ASIC3: variants seen among roughly 807,000 people sequenced by gnomAD.
ASIC3 encodes acid sensing ion channel subunit 3.
A neutral mutation model predicts 58.6 loss-of-function variants in ASIC3; 46 were observed. The ratio of observed to expected loss-of-function variants is 0.79; its 90% CI spans 0.62 to 1.00. The LOEUF is 1.00. Among genes scored for constraint, ASIC3 ranks in the 50% least tolerant of loss-of-function variants. The pLI is 0.00. For missense variants in ASIC3, 770 were observed against 735.0 expected, an observed-to-expected ratio of 1.05 and a Z score of -0.55; for synonymous variants, 336 against 300.2, an observed-to-expected ratio of 1.12 and a Z score of -1.23.
At chr7:151,050,295 TG>T in intron 2 of ASIC3, 39 bp downstream of exon 2, 5 of 1,596,174 alleles carry the variant, frequency 3.1e-6, no homozygotes, top group Non-Finnish European at 4.3e-6. Flanking sequence ...AGGGCACGGA[TG>T]GAGTGCAAAA....
At position 151,050,226 on chromosome 7, in the gene ASIC3, G is replaced by T. The variant is rs750380438; in HGVS notation, c.655G>T (p.Glu219Ter). 35 of 1,614,062 alleles carry T rather than the reference G, an allele frequency of 2.2e-5. No homozygotes were observed. In the South Asian group the frequency reaches 3.5e-4, roughly 16 times the overall value. Residue 219 changes from glutamate (E) to a stop codon, truncating the protein, a stop_gained, in exon 2 of 11, where the codon GAG becomes TAG. Transcript: ENST00000349064. LOFTEE classifies it high-confidence loss of function. The part of the protein sequence containing the change: ...GLDIMLDVQQ[E>*]EYLPVWRDNE... ...GGACATCATGCTGGACGTGCAGCAG[G>T]AGGAATATCTACCTGTGTGGAGGGA...
In ASIC3 at chr7:151,050,148, G is replaced by A. The variant is rs138872415; in HGVS notation, c.577G>A (p.Ala193Thr). 4.8e-4 allele frequency: 770 copies of A among 1,614,044 alleles called. No homozygotes were observed. The highest frequency in any genetic ancestry group is 6.0e-4 in the Non-Finnish European group (707 of 1,180,030). ...AAAGTGCTACACATTTAACTCTGGCGCTGATGGGGCAGAGCTGCTCACCAC... is the reference window on the plus strand; with the variant it reads ...AAAGTGCTACACATTTAACTCTGGCACTGATGGGGCAGAGCTGCTCACCAC... ...MGKCYTFNSG[A>T]DGAELLTTTR... Residue 193 changes from alanine to threonine, a missense_variant, in exon 2 of 11, where the codon GCT becomes ACT. Physicochemically the swap from Ala to Thr is moderately conservative, Grantham distance 58. Transcript: ENST00000349064.
chr7:151,051,342 G>C, intron 6 of ASIC3, 23 bp downstream of exon 6: 1 of 1,455,704 alleles, frequency 6.9e-7, no homozygotes, highest in Admixed American at 2.8e-5. Flanking sequence ...GGGCGGGCGG[G>C]CTCCTCCGAG....
rs1796681945 is a variant in ASIC3 at position 151,048,581 on chromosome 7, C to T, written c.-305C>T. ...CGCCGGCTCAGCACCGCTCCGCAGC[C>T]CCTGCCTGCCACGGTCAGCTACGTC... On this transcript the variant is annotated 5_prime_UTR_variant, in exon 1 of 11. Transcript: ENST00000349064. 2.5e-6 allele frequency: 1 copy of T among 407,558 alleles called. No homozygotes were observed. Among genetic ancestry groups the T allele is most frequent in the South Asian group, 7.4e-5 (1 of 13,446 alleles). The allele number at this position is 407,558 out of a possible 1,614,324, so 25.2% of individuals were successfully genotyped here.
chr7:151,051,397 C>T lies in ASIC3; in HGVS notation c.1214+78C>T. 3 of 1,396,856 alleles carry T rather than the reference C, an allele frequency of 2.1e-6. 1 individual carries two copies. The South Asian group carries it at 4.7e-5, about 22-fold the overall frequency. The allele number at this position is 1,396,856 out of a possible 1,614,324, so 86.5% of individuals were successfully genotyped here. On this transcript the variant is annotated intron_variant, in intron 6 of 10. Coordinates refer to ENST00000349064, the MANE Select transcript of ASIC3 (RefSeq NM_004769.4). ...CGGAACGGGGCAGGCCAGGCCGTAG[C>T]CCTAGTGCGCACAGCCCGGGCGGAG...
rs11977275 is a variant in ASIC3 at position 151,050,850 on chromosome 7, C to A, written c.906C>A (p.Pro302=). 321,958 of 1,606,646 alleles carry A rather than the reference C, an allele frequency of 0.2. 33,842 individuals are homozygous for A. The highest frequency in any genetic ancestry group is 0.24 in the South Asian group (21,956 of 90,892). ...EPEPSDPLGS[P]SPSPSPPYTL... is the part of the protein sequence containing the mutation. Reference sequence around the variant, plus strand: ...AGCCCTCTGATCCCCTAGGCTCCCCCAGCCCCAGCCCCAGCCCTCCCTATA... The same window carrying A: ...AGCCCTCTGATCCCCTAGGCTCCCCAAGCCCCAGCCCCAGCCCTCCCTATA... The change falls in exon 4 of 11, where the codon CCC becomes CCA. Residue 302 remains proline, a synonymous_variant. Transcript: ENST00000349064.
chr7:151,049,150 G>A lies in ASIC3; in HGVS notation c.265G>A (p.Val89Ile). ...RESHRLIFPAVTLCNINPLRR... is the reference protein window; with the variant it reads ...RESHRLIFPAITLCNINPLRR... ...AAGCCACCGGCTCATCTTCCCGGCT[G>A]TCACCCTGTGCAACATCAACCCACT... Residue 89 changes from valine to isoleucine, a missense_variant, in exon 1 of 11, where the codon GTC becomes ATC. Coordinates refer to ENST00000349064, the MANE Select transcript of ASIC3 (RefSeq NM_004769.4). 1 of 1,613,840 alleles carries A rather than the reference G, an allele frequency of 6.2e-7. No individual in the cohort carries two copies. Among genetic ancestry groups the A allele is most frequent in the Non-Finnish European group, 8.5e-7 (1 of 1,179,888 alleles).
intron 1 of ASIC3, 137 bp from the exon 2 acceptor site, chr7:151,049,969 A>AGC: frequency 8.9e-7 from 1 of 1,129,064 alleles, no homozygotes; most frequent in Non-Finnish European, 1.3e-6. Flanking sequence ...TGCCCACTGG[A>AGC]GCGTGGGGCT....
Position 151,049,304 on chromosome 7 carries a change from C to A in ASIC3, c.419C>A (p.Pro140His). 1 of 1,613,084 alleles carries A rather than the reference C, an allele frequency of 6.2e-7. No individual in the cohort carries two copies. Among genetic ancestry groups the A allele is most frequent in the East Asian group, 2.2e-5 (1 of 44,882 alleles). ...GRPPAPPGFM[P>H]SPTFDMAQLY... The stretch of plus-strand genomic sequence containing the variant: ...CCCCCTGCACCGCCCGGCTTCATGC[C>A]CAGTCCCACCTTTGACATGGCGCAA... Residue 140 changes from proline to histidine, a missense_variant, in exon 1 of 11, where the codon CCC (proline) becomes CAC (histidine). Pro to His is a moderately conservative substitution (Grantham distance 77). Transcript: ENST00000349064.
rs1796734186 is a variant in ASIC3 at position 151,050,199 on chromosome 7, C to T, written c.628C>T (p.Leu210=). The T allele has an allele frequency of 6.2e-7, 1 of 1,614,076 alleles. No individual in the cohort carries two copies. The part of the protein sequence containing the change: ...TTTRGGMGNG[L]DIMLDVQQEE... The stretch of plus-strand genomic sequence containing the variant: ...TACTAGGGGTGGCATGGGCAATGGG[C>T]TGGACATCATGCTGGACGTGCAGCA... Residue 210 remains leucine, a synonymous_variant, in exon 2 of 11, where the codon CTG becomes TTG. Coordinates refer to ENST00000349064, the MANE Select transcript of ASIC3 (RefSeq NM_004769.4).
At chr7:151,049,861 AAC>A (rs1398796728) in intron 1 of ASIC3, among the ~76,000 whole-genome samples, 2 of 152,196 alleles carry the variant, frequency 1.3e-5, no homozygotes, top group African/African-American at 2.4e-5. Flanking sequence ...TTCCCAGAGA[AAC>A]ACAGAAAAAC....
Position 151,048,918 on chromosome 7 carries a change from G to C in ASIC3, c.33G>C (p.Arg11=). MKPTSGPEEA[R]RPASDIRVFA... is the part of the protein sequence containing the mutation. ...CCACCTCAGGCCCAGAGGAGGCCCG[G>C]CGGCCAGCCTCGGACATCCGCGTGT... The change falls in exon 1 of 11, where the codon CGG becomes CGC. Residue 11 remains arginine (R), a synonymous_variant. Coordinates refer to ENST00000349064, the MANE Select transcript of ASIC3 (RefSeq NM_004769.4). 1 of 1,561,484 alleles carries C rather than the reference G, an allele frequency of 6.4e-7. No homozygotes were observed. Among genetic ancestry groups the C allele is most frequent in the Non-Finnish European group, 8.7e-7 (1 of 1,149,838 alleles).
chr7:151,050,557 C>T lies in ASIC3; in HGVS notation c.762C>T (p.Gly254=), dbSNP rs1341261340. ...AGCCGCCCATCATCGATCAGCTGGG[C>T]TTGGGGGTGTCCCCGGGCTACCAGA... ...QEEPPIIDQL[G]LGVSPGYQTF... Residue 254 remains glycine, a synonymous_variant, in exon 3 of 11, where the codon GGC becomes GGT. Transcript: ENST00000349064. 1.2e-6 allele frequency: 2 copies of T among 1,613,938 alleles called. No individual in the cohort carries two copies. The highest frequency in any genetic ancestry group is 1.7e-6 in the Non-Finnish European group (2 of 1,179,982).
chr7:151,051,940 C>T (rs1447413922), intron 7 of ASIC3, 39 bp downstream of exon 7: 2 of 1,612,916 alleles, frequency 1.2e-6, no homozygotes, highest in East Asian at 2.2e-5. Context: ...GGGGTGTGGG[C>T]AGGCAGGTGG....
In ASIC3 at chr7:151,050,720, G is replaced by A. The variant is rs549763020; in HGVS notation, c.814-38G>A. ...GGCCTCTCCCCAGCTGGCCTCTCAC[G>A]CTCTCCGGGAAGCCTCCTTAACCCT... On this transcript the variant is annotated intron_variant, in intron 3 of 10. Transcript: ENST00000349064. 3.1e-6 allele frequency: 5 copies of A among 1,607,280 alleles called. No homozygotes were observed. In the South Asian group the frequency reaches 3.3e-5, roughly 11 times the overall value.
rs1402303728 is a variant in ASIC3 at position 151,052,349 on chromosome 7, C to G, written c.1459-67C>G. On this transcript the variant is annotated intron_variant, in intron 9 of 10. Coordinates refer to ENST00000349064, the MANE Select transcript of ASIC3 (RefSeq NM_004769.4). The surrounding 1 kb of genome is among the most constrained non-coding windows in gnomAD (Gnocchi z 5.0). The stretch of plus-strand genomic sequence containing the variant: ...GAGGAGAAACAGGCAGGAGGGTGTG[C>G]AGTGACCTCGACTGGTCCCTGGGAG... 2.5e-6 allele frequency: 4 copies of G among 1,612,476 alleles called. No homozygotes were observed. The highest frequency in any genetic ancestry group is 3.4e-6 in the Non-Finnish European group (4 of 1,179,452).
Position 151,051,805 on chromosome 7 carries a change from C to T in ASIC3, c.1215-5C>T. Reference sequence around the variant, plus strand: ...GCCCACATTTGAGGCCATTCTTGTCCTCAGGGAGAACGTGCTGGCCCTGGA... The same window carrying T: ...GCCCACATTTGAGGCCATTCTTGTCTTCAGGGAGAACGTGCTGGCCCTGGA... On this transcript the variant is annotated splice_polypyrimidine_tract_variant and splice_region_variant and intron_variant, in intron 6 of 10. Transcript: ENST00000349064. 2 of 1,612,956 alleles carry T rather than the reference C, an allele frequency of 1.2e-6. No individual in the cohort carries two copies. Among genetic ancestry groups the T allele is most frequent in the Non-Finnish European group, 1.7e-6 (2 of 1,179,948 alleles).
Position 151,049,181 on chromosome 7 carries a change from G to A in ASIC3, c.296G>A (p.Arg99His), listed in dbSNP as rs62001893. 628 of 1,613,628 alleles carry A rather than the reference G, an allele frequency of 3.9e-4. 2 individuals are homozygous for A. The African/African-American group carries it at 6.8e-3, about 17-fold the overall frequency. ...VTLCNINPLR[R>H]SRLTPNDLHW... ...CTGTGCAACATCAACCCACTGCGCCGCTCGCGCCTAACGCCCAACGACCTG... is the reference window on the plus strand; with the variant it reads ...CTGTGCAACATCAACCCACTGCGCCACTCGCGCCTAACGCCCAACGACCTG... Residue 99 changes from arginine (R) to histidine (H), a missense_variant, in exon 1 of 11, where the codon CGC becomes CAC. Coordinates refer to ENST00000349064, the MANE Select transcript of ASIC3 (RefSeq NM_004769.4).
chr7:151,051,795 C>G lies in ASIC3; in HGVS notation c.1215-15C>G. ...GCGGTGGCCAGCCCACATTTGAGGCCATTCTTGTCCTCAGGGAGAACGTGC... is the reference window on the plus strand; with the variant it reads ...GCGGTGGCCAGCCCACATTTGAGGCGATTCTTGTCCTCAGGGAGAACGTGC... On this transcript the variant is annotated splice_polypyrimidine_tract_variant and intron_variant, in intron 6 of 10. Transcript: ENST00000349064. 6.2e-7 allele frequency: 1 copy of G among 1,612,120 alleles called. No individual in the cohort carries two copies.
Sources: gnomAD v4.1 joint callset for allele counts (sites outside exome capture counted in the v4.1 genomes callset) on GRCh38, gnomAD v4.1.1 for gene constraint, Gnocchi (gnomAD v3.1) non-coding constraint, MANE v1.5 for transcripts, NCBI Gene and HGNC (gene_info 2026-07-23, HGNC 2026-07-21) for gene names.